Variants in INSR observed in about 807,000 individuals in gnomAD.
INSR encodes the protein insulin receptor.
Under a neutral mutation model 142.6 loss-of-function variants are expected in INSR, and 67 were observed. The ratio of observed to expected loss-of-function variants is 0.47; its 90% CI spans 0.39 to 0.58. The LOEUF (loss-of-function observed/expected upper bound fraction) is 0.58, where lower values mean the gene tolerates loss of function less well. INSR is among the 20% of genes least tolerant of loss of function. The pLI, the probability that INSR is intolerant of heterozygous loss-of-function variation, is 0.00. For missense variants in INSR, 1,248 were observed against 1,833.2 expected (o/e 0.68, Z 5.83); for synonymous variants, 756 against 743.1 (o/e 1.02, Z -0.28).
intron 2 of INSR, among the ~76,000 whole-genome samples, chr19:7,237,631 T>C (rs957430218): frequency 2.6e-5 from 4 of 151,848 alleles, no homozygotes; most frequent in African/African-American, 2.4e-5. Context: ...CTGGCTAGCA[T>C]GGTGAAATCC....
At chr19:7,252,028 C>T (rs1976744099) in intron 2 of INSR, among the ~76,000 whole-genome samples, 1 of 152,114 alleles carries the variant, frequency 6.6e-6, no homozygotes, top group African/African-American at 2.4e-5. Context: ...AATTGTAGCA[C>T]TTTGGGTGGC....
At chr19:7,169,082 C>A (rs1312984230) in intron 6 of INSR, among the ~76,000 whole-genome samples, 2 of 152,222 alleles carry the variant, frequency 1.3e-5, no homozygotes, top group Non-Finnish European at 2.9e-5. Flanking sequence ...GGACAGCCCC[C>A]ACCTATGACT....
rs1975762967 is a variant in INSR, at chr19:7,225,832, T to G, written c.653-41195A>C. On this transcript the variant is annotated intron_variant, in intron 2 of 21. Transcript: ENST00000302850. The surrounding 1 kb of genome is among the most constrained non-coding windows in gnomAD (Gnocchi z 4.7). ...GACACCTGGCAGTGTCTGGAGACAT[T>G]TGTGTTTGCCATGCCTCGGGGGCGG... 6.6e-6 allele frequency among the ~76,000 whole-genome samples: 1 copy of G among 152,098 alleles called. No homozygotes were observed. Among genetic ancestry groups the G allele is most frequent in the Non-Finnish European group, 1.5e-5 (1 of 68,006 alleles).
At chr19:7,239,439 G>T (rs551278625) in intron 2 of INSR, among the ~76,000 whole-genome samples, 1 of 152,076 alleles carries the variant, frequency 6.6e-6, no homozygotes, top group African/African-American at 2.4e-5. Flanking sequence ...CCATGCACTG[G>T]AATTAACATA....
chr19:7,291,349 C>G (rs376804276), intron 1 of INSR, among the ~76,000 whole-genome samples: 1 of 152,302 alleles, frequency 6.6e-6, no homozygotes, highest in Admixed American at 6.5e-5. Flanking sequence ...AAGATTAAAC[C>G]GCACCTCGTG....
intron 2 of INSR, among the ~76,000 whole-genome samples, chr19:7,189,663 A>T (rs75415882): frequency 0.018 from 2,630 of 145,726 alleles, 73 homozygotes; most frequent in African/African-American, 0.061. Context: ...TTTTACTATT[A>T]CTTTTTTTTT....
At chr19:7,141,097 C>T (rs1018314432) in intron 13 of INSR, among the ~76,000 whole-genome samples, 5 of 152,288 alleles carry the variant, frequency 3.3e-5, no homozygotes, top group African/African-American at 1.2e-4. Context: ...GGCTGGAGCG[C>T]AATGGTGCAA....
At chr19:7,249,385 C>T (rs1380900675) in intron 2 of INSR, among the ~76,000 whole-genome samples, 3 of 152,134 alleles carry the variant, frequency 2.0e-5, no homozygotes, top group African/African-American at 7.2e-5. Flanking sequence ...CTTAGCAAAA[C>T]TTGCCTTCGT....
chr19:7,265,365 T>G (rs971152603), intron 2 of INSR, among the ~76,000 whole-genome samples: 1 of 152,014 alleles, frequency 6.6e-6, no homozygotes, highest in South Asian at 2.1e-4. Flanking sequence ...AGTTAGCTAT[T>G]TGGGAGAGAA....
chr19:7,238,340 C>T (rs893095403), intron 2 of INSR, among the ~76,000 whole-genome samples: 2 of 152,084 alleles, frequency 1.3e-5, no homozygotes, highest in Admixed American at 1.3e-4. Context: ...GAAAAAGAGG[C>T]CAGGCTCAGT....
At chr19:7,243,437 G>T (rs528348799) in intron 2 of INSR, among the ~76,000 whole-genome samples, 12 of 151,608 alleles carry the variant, frequency 7.9e-5, no homozygotes, top group African/African-American at 2.9e-4. Flanking sequence ...GTAGAGACGG[G>T]GTTTCACCAT....
chr19:7,213,068 G>A (rs999247623), intron 2 of INSR, among the ~76,000 whole-genome samples: 7 of 152,106 alleles, frequency 4.6e-5, no homozygotes, highest in African/African-American at 7.2e-5. Flanking sequence ...ACAGGGGGCC[G>A]GGCGCGGTGG....
At chr19:7,176,621 T>C (rs988139567) in intron 3 of INSR, among the ~76,000 whole-genome samples, 1 of 151,802 alleles carries the variant, frequency 6.6e-6, no homozygotes, top group African/African-American at 2.4e-5. Context: ...AACAAAACTA[T>C]GTAGCACCTT....
chr19:7,148,474 A>ATTTTTTTTTTTTTTT (rs1568445065), intron 11 of INSR, among the ~76,000 whole-genome samples: 1 of 50,832 alleles, frequency 2.0e-5, no homozygotes, highest in Non-Finnish European at 3.6e-5. Context: ...TTATGTATTT[A>ATTTTTTTTTTTTTTT]TTCTTTTTTT....
intron 2 of INSR, among the ~76,000 whole-genome samples, chr19:7,230,493 C>T (rs952432968): frequency 9.2e-5 from 14 of 152,180 alleles, no homozygotes; most frequent in African/African-American, 3.1e-4. Context: ...TAGCTCATAG[C>T]ATGGTACTCC....
Position 7,216,922 on chromosome 19 carries a change from C to T in INSR, c.653-32285G>A, listed in dbSNP as rs62112762. 8.5e-5 allele frequency among the ~76,000 whole-genome samples: 13 copies of T among 152,232 alleles called. No individual in the cohort carries two copies. The highest frequency in any genetic ancestry group is 3.4e-3 in the Middle Eastern group (1 of 294). On this transcript the variant is annotated intron_variant, in intron 2 of 21. Transcript: ENST00000302850. This position sits in a 1 kb window ranked among gnomAD's most constrained non-coding sequence, Gnocchi z 4.2. ...GAACTCCTGGGCTCAAGCAATCCTC[C>T]CACCTCAACCTCCCAAGTAGCTGGG...
rs1296763531 is a variant in INSR, at chr19:7,232,458, T to C, written c.652+34887A>G. Among the ~76,000 whole-genome samples, 6 of 152,176 alleles carry C rather than the reference T, an allele frequency of 3.9e-5. No homozygotes were observed. The South Asian group carries it at 1.0e-3, about 26-fold the overall frequency. ...ATCTGCCTGCCTCAGCCTGTCAAAG[T>C]GTTGGGATGACAGGCGTGAGCCACT... On this transcript the variant is annotated intron_variant, in intron 2 of 21. Coordinates refer to ENST00000302850, the MANE Select transcript of INSR (RefSeq NM_000208.4).
In INSR at chr19:7,122,747, G is replaced by A. The variant is rs1489424129; in HGVS notation, c.3396C>T (p.Thr1132=). ...AENNPGRPPP[T]LQEMIQMAAE... ...CCGCCATCTGAATCATCTCTTGAAG[G>A]GTAGGGGGAGGGCGGCCAGGATTAT... The change falls in exon 19 of 22, where the codon ACC becomes ACT. Residue 1132 remains threonine, a synonymous_variant. Coordinates refer to ENST00000302850, the MANE Select transcript of INSR (RefSeq NM_000208.4). 1 of 1,614,156 alleles carries A rather than the reference G, an allele frequency of 6.2e-7. No individual in the cohort carries two copies. The highest frequency in any genetic ancestry group is 1.1e-5 in the South Asian group (1 of 91,084).
At chr19:7,139,832 T>C (rs2144853984) in intron 13 of INSR, among the ~76,000 whole-genome samples, 1 of 147,306 alleles carries the variant, frequency 6.8e-6, no homozygotes, top group East Asian at 2.0e-4. Context: ...TTTTTTTTTT[T>C]TTTTTTTTTG....
Sources: allele counts gnomAD v4.1 joint callset (sites outside exome capture counted in the v4.1 genomes callset), GRCh38; gene constraint gnomAD v4.1.1; non-coding constraint Gnocchi (gnomAD v3.1); transcripts MANE v1.5; gene names NCBI Gene and HGNC (gene_info 2026-07-23, HGNC 2026-07-21).